Variants in PRIM2 observed in about 807,000 individuals in gnomAD.
PRIM2 encodes DNA primase subunit 2.
Under a neutral mutation model 67.3 loss-of-function variants are expected in PRIM2, and 39 were observed. The ratio of observed to expected loss-of-function variants is 0.58; its 90% confidence interval spans 0.45 to 0.76. The LOEUF is 0.76. Ranked by LOEUF, PRIM2 falls within the 30% of genes least tolerant of loss-of-function variation. The probability of loss-of-function intolerance (pLI) is 0.00; values close to 1 mark genes in which losing one functional copy is unlikely to be tolerated. For synonymous variants in PRIM2, 143 were observed against 198.7 expected (o/e 0.72, Z 2.36); for missense variants, 398 against 598.7 (o/e 0.66, Z 3.50).
At position 57,646,787 on chromosome 6, in the gene PRIM2, A is replaced by C. The variant is rs1270548370; in HGVS notation, c.*629A>C. On this transcript the variant is annotated 3_prime_UTR_variant, in exon 14 of 14. Coordinates refer to ENST00000615550, the MANE Select transcript of PRIM2 (RefSeq NM_000947.5). ...AGAACAACTTTTGTTTTAACTCTTA[A>C]TCACTTTGTAATTTTGACTCAATCC... 2.0e-5 allele frequency: 3 copies of C among 152,222 alleles called. No individual in the cohort carries two copies. Among genetic ancestry groups the C allele is most frequent in the Admixed American group, 6.5e-5 (1 of 15,274 alleles). 9.4% of individuals were successfully genotyped at this position (152,222 alleles called of 1,614,324 possible). A position where few individuals can be genotyped will look rare whatever the true frequency, so the allele number is the denominator to read the frequency against.
chr6:57,623,130 G>C (rs1776888136), intron 12 of PRIM2, among the ~76,000 whole-genome samples: 1 of 152,146 alleles, frequency 6.6e-6, no homozygotes. Flanking sequence ...TTTGGTTGCT[G>C]CACTTAGCTT....
intron 5 of PRIM2, among the ~76,000 whole-genome samples, chr6:57,355,040 A>G (rs1334029349): frequency 6.6e-6 from 1 of 152,298 alleles, no homozygotes; most frequent in Non-Finnish European, 1.5e-5. Context: ...GCGGTGGCTC[A>G]CACGTGTAAT....
At chr6:57,310,395 A>T (rs1381314078), upstream of PRIM2, among the ~76,000 whole-genome samples, 1 of 152,254 alleles carries the variant, frequency 6.6e-6, no homozygotes, top group Non-Finnish European at 1.5e-5. Context: ...CAGCATCCCA[A>T]GGCAGAAGAA....
intron 6 of PRIM2, among the ~76,000 whole-genome samples, chr6:57,380,848 A>G (rs1769937912): frequency 6.8e-6 from 1 of 146,236 alleles, no homozygotes; most frequent in East Asian, 2.0e-4. Context: ...TTCCACTGTG[A>G]CCACCTTAAT....
chr6:57,347,309 G>T (rs1768710176), intron 5 of PRIM2, among the ~76,000 whole-genome samples: 1 of 152,200 alleles, frequency 6.6e-6, no homozygotes. Flanking sequence ...GACTGTATAA[G>T]TAGTGGACTT....
chr6:57,390,116 T>G (rs1268237390), intron 7 of PRIM2: 2 of 154,824 alleles, frequency 1.3e-5, no homozygotes, highest in Admixed American at 6.5e-5. Flanking sequence ...ACGTTGCAGT[T>G]GAAAGCCATG....
At chr6:57,345,500 G>GTT (rs1768645485) in intron 5 of PRIM2, among the ~76,000 whole-genome samples, 1 of 80,812 alleles carries the variant, frequency 1.2e-5, no homozygotes, top group Admixed American at 1.2e-4. Context: ...GTGTGTGTGT[G>GTT]TGTGTGTACA....
intron 13 of PRIM2, among the ~76,000 whole-genome samples, chr6:57,640,720 A>G (rs1777215672): frequency 6.6e-6 from 1 of 152,196 alleles, no homozygotes; most frequent in Admixed American, 6.5e-5. Flanking sequence ...TGCTCAAGGA[A>G]ATAAGAGAAG....
At chr6:57,240,888 A>G in the PRIM2 span, among the ~76,000 whole-genome samples, 1 of 152,090 alleles carries the variant, frequency 6.6e-6, no homozygotes, top group Non-Finnish European at 1.5e-5. Context: ...CAGAAGTTCA[A>G]GACCAGCTTG....
In PRIM2 at chr6:57,320,451, T is replaced by C. The variant is rs764540856; in HGVS notation, c.155-6T>C. On this transcript the variant is annotated splice_region_variant and splice_polypyrimidine_tract_variant and intron_variant, in intron 2 of 13. Coordinates refer to ENST00000615550, the MANE Select transcript of PRIM2 (RefSeq NM_000947.5). ...CTTGCATTTATACCTTTTTTCTTTT[T>C]TTTAGTGTTAAAATCAGTTGAAAAT... 1.9e-6 allele frequency: 3 copies of C among 1,572,608 alleles called. No homozygotes were observed. Among genetic ancestry groups the C allele is most frequent in the African/African-American group, 1.4e-5 (1 of 73,170 alleles).
chr6:57,543,000 G>A (rs1404389072), intron 10 of PRIM2, among the ~76,000 whole-genome samples: 17 of 129,240 alleles, frequency 1.3e-4, no homozygotes, highest in African/African-American at 4.3e-4. Context: ...GTGCAGTGGC[G>A]CAATCTCGGC....
intron 7 of PRIM2, among the ~76,000 whole-genome samples, chr6:57,475,424 G>A (rs1282548184): frequency 5.9e-5 from 9 of 152,154 alleles, no homozygotes; most frequent in African/African-American, 1.9e-4. Flanking sequence ...ATAGATTTGC[G>A]TATTTTGGAC....
chr6:57,569,355 T>C (rs1367733251), intron 10 of PRIM2, among the ~76,000 whole-genome samples: 6 of 152,220 alleles, frequency 3.9e-5, no homozygotes, highest in Admixed American at 3.9e-4. Flanking sequence ...AGGAAGTAAA[T>C]GAGCCCTTTT....
intron 5 of PRIM2, among the ~76,000 whole-genome samples, chr6:57,374,284 T>TTTATTTAC (rs1769670025): frequency 7.0e-6 from 1 of 142,804 alleles, no homozygotes; most frequent in African/African-American, 2.7e-5. Flanking sequence ...TATTTATTTA[T>TTTATTTAC]TTATTTATTT....
chr6:57,273,758 T>G, the PRIM2 span, among the ~76,000 whole-genome samples: 2 of 152,314 alleles, frequency 1.3e-5, no homozygotes, highest in South Asian at 2.1e-4. Context: ...CTTTTTGGTT[T>G]TATCTACCTT....
rs1231240655 is a variant in PRIM2, at chr6:57,361,837, A to G, written c.460-18064A>G. 2.0e-5 allele frequency among the ~76,000 whole-genome samples: 3 copies of G among 152,210 alleles called. No homozygotes were observed. The East Asian group carries it at 5.8e-4, about 29-fold the overall frequency. Reference sequence around the variant, plus strand: ...GAGCAGGAAAAGACTGATTTCAGGAAACAGAACAAGGTAAAATAATCTGGT... The same window carrying G: ...GAGCAGGAAAAGACTGATTTCAGGAGACAGAACAAGGTAAAATAATCTGGT... On this transcript the variant is annotated intron_variant, in intron 5 of 13. Coordinates refer to ENST00000615550, the MANE Select transcript of PRIM2 (RefSeq NM_000947.5).
At chr6:57,600,404 G>A (rs1776442796) in intron 10 of PRIM2, among the ~76,000 whole-genome samples, 1 of 151,720 alleles carries the variant, frequency 6.6e-6, no homozygotes, top group African/African-American at 2.4e-5. Context: ...TGTTGCCCAG[G>A]CTGAAGTACA....
intron 11 of PRIM2, among the ~76,000 whole-genome samples, chr6:57,601,996 TGAA>T (rs1407227637): frequency 6.6e-5 from 10 of 151,976 alleles, no homozygotes; most frequent in African/African-American, 2.4e-4. Context: ...AGTTAATAGA[TGAA>T]GAAGTGGCCA....
At chr6:57,376,953 C>T (rs184291710) in intron 5 of PRIM2, among the ~76,000 whole-genome samples, 12 of 152,186 alleles carry the variant, frequency 7.9e-5, no homozygotes, top group South Asian at 2.1e-4. Flanking sequence ...TCTGGCTCAC[C>T]GCAACCTCCA....
Sources: allele counts gnomAD v4.1 joint callset (sites outside exome capture counted in the v4.1 genomes callset), GRCh38; gene constraint gnomAD v4.1.1; transcripts MANE v1.5; gene names NCBI Gene and HGNC (gene_info 2026-07-23, HGNC 2026-07-21).